PDE2A: variants seen among roughly 807,000 people sequenced by gnomAD.
PDE2A encodes cGMP-dependent 3',5'-cyclic phosphodiesterase.
Under a neutral mutation model 133.6 loss-of-function variants are expected in PDE2A, and 53 were observed. The observed-to-expected ratio is 0.40, with a 90% CI of 0.32 to 0.50. The LOEUF (loss-of-function observed/expected upper bound fraction) is 0.50. Ranked by LOEUF, PDE2A falls within the 20% of genes least tolerant of loss-of-function variation. PDE2A has a pLI of 0.73. For synonymous variants in PDE2A, 491 were observed against 490.2 expected, an observed-to-expected ratio of 1.00 and a Z score of -0.02; for missense variants, 796 against 1,232.4, an observed-to-expected ratio of 0.65 and a Z score of 5.30.
intron 1 of PDE2A, among the ~76,000 whole-genome samples, chr11:72,647,630 G>A (rs938279351): frequency 6.6e-6 from 1 of 152,236 alleles, no homozygotes; most frequent in African/African-American, 2.4e-5. Flanking sequence ...CTCTGTGAAG[G>A]GACAATCCAA....
chr11:72,599,661 T>G (rs111958565), intron 4 of PDE2A, among the ~76,000 whole-genome samples: 1,984 of 152,142 alleles, frequency 0.013, 51 homozygotes, highest in African/African-American at 0.046. Flanking sequence ...TTCAATCCAT[T>G]CTCCATGGCA....
At chr11:72,613,627 A>G (rs895809841) in intron 2 of PDE2A, among the ~76,000 whole-genome samples, 4 of 150,912 alleles carry the variant, frequency 2.7e-5, no homozygotes, top group African/African-American at 7.3e-5. Flanking sequence ...CCCACTCTCC[A>G]TCTCTCTCCT....
intron 7 of PDE2A, 46 bp downstream of exon 7, chr11:72,591,251 G>A (rs759084600): frequency 6.6e-7 from 1 of 1,509,102 alleles, no homozygotes; most frequent in South Asian, 1.1e-5. Context: ...CACCAGCTGT[G>A]ATAAGGGTCT....
chr11:72,623,997 C>CTT (rs71062781), intron 2 of PDE2A, among the ~76,000 whole-genome samples: 1,450 of 141,508 alleles, frequency 0.01, 27 homozygotes, highest in African/African-American at 0.034. Context: ...CAATCTTTTT[C>CTT]TTTTTTTTTT....
At chr11:72,641,474 A>G (rs1372443926) in intron 2 of PDE2A, among the ~76,000 whole-genome samples, 1 of 152,246 alleles carries the variant, frequency 6.6e-6, no homozygotes, top group Middle Eastern at 3.2e-3. Flanking sequence ...GAAACAGGAG[A>G]GAGACCAAGA....
At position 72,631,170 on chromosome 11, in the gene PDE2A, C is replaced by A. The variant is rs545347765; in HGVS notation, c.144+11084G>T. Reference sequence around the variant, plus strand: ...GAGACAAGAAGGTCAGGGGCTGAGGCCGGCCAGGCCTTCTCCCCTTCTCCC... The same window carrying A: ...GAGACAAGAAGGTCAGGGGCTGAGGACGGCCAGGCCTTCTCCCCTTCTCCC... On this transcript the variant is annotated intron_variant, in intron 2 of 30. Coordinates refer to ENST00000334456, the MANE Select transcript of PDE2A (RefSeq NM_002599.5). 1.7e-4 allele frequency: 251 copies of A among 1,511,088 alleles called. No homozygotes were observed. In the African/African-American group the frequency reaches 2.8e-3, roughly 17 times the overall value. The allele number at this position is 1,511,088 out of a possible 1,614,324, so 93.6% of individuals were successfully genotyped here. A position where few individuals can be genotyped will look rare whatever the true frequency, so the allele number is the denominator to read the frequency against.
intron 1 of PDE2A, among the ~76,000 whole-genome samples, chr11:72,657,099 T>G (rs1468185734): frequency 1.3e-5 from 2 of 151,994 alleles, no homozygotes. Context: ...TCCTCCCCAC[T>G]CATCAGGGTC....
chr11:72,645,652 T>C (rs138273211), intron 1 of PDE2A, among the ~76,000 whole-genome samples: 2 of 152,354 alleles, frequency 1.3e-5, no homozygotes, highest in African/African-American at 2.4e-5. Context: ...CCGGTGATTC[T>C]AATTTGCTGC....
intron 25 of PDE2A, chr11:72,580,013 C>G (rs1855647616): frequency 4.8e-6 from 1 of 208,854 alleles, no homozygotes. Context: ...GGCTGTCACT[C>G]AGAAAAGGAG....
At chr11:72,603,288 CT>C (rs33965768) in intron 4 of PDE2A, among the ~76,000 whole-genome samples, 30,476 of 151,100 alleles carry the variant, frequency 0.2, 3,738 homozygotes, top group East Asian at 0.51. Flanking sequence ...CTTTTAATTG[CT>C]TTTTTTTTTG....
intron 1 of PDE2A, among the ~76,000 whole-genome samples, chr11:72,664,363 G>GTTTTTTT (rs1565198393): frequency 2.1e-4 from 19 of 92,328 alleles, no homozygotes; most frequent in African/African-American, 4.7e-4. Flanking sequence ...CCCCTTGAAG[G>GTTTTTTT]ATTTTTTTTT....
At chr11:72,661,026 C>G (rs1360086552) in intron 1 of PDE2A, among the ~76,000 whole-genome samples, 1 of 152,060 alleles carries the variant, frequency 6.6e-6, no homozygotes, top group Non-Finnish European at 1.5e-5. Context: ...CTTCTGAGGT[C>G]AGGTGCAGTG....
chr11:72,582,648 G>T, intron 20 of PDE2A, 82 bp from the exon 21 acceptor site: 1 of 1,395,362 alleles, frequency 7.2e-7, no homozygotes, highest in East Asian at 2.4e-5. Flanking sequence ...TGGCAGGTGG[G>T]GGATCCGTCA....
At chr11:72,651,249 T>G (rs567543586) in intron 1 of PDE2A, among the ~76,000 whole-genome samples, 11 of 152,348 alleles carry the variant, frequency 7.2e-5, no homozygotes, top group African/African-American at 2.6e-4. Flanking sequence ...GATGCCTGAT[T>G]GCAGGACTCT....
At chr11:72,672,645 C>G (rs1334134866) in intron 1 of PDE2A, among the ~76,000 whole-genome samples, 1 of 152,082 alleles carries the variant, frequency 6.6e-6, no homozygotes, top group African/African-American at 2.4e-5. Context: ...AGTGTCTTCA[C>G]TGCTCCAGGA....
chr11:72,646,616 C>T (rs1392599074), intron 1 of PDE2A, among the ~76,000 whole-genome samples: 5 of 152,176 alleles, frequency 3.3e-5, no homozygotes, highest in Non-Finnish European at 5.9e-5. Context: ...CACTGGGCTC[C>T]CCATGGCCTC....
intron 24 of PDE2A, 87 bp downstream of exon 24, chr11:72,580,799 C>T (rs775815505): frequency 3.0e-6 from 3 of 1,010,802 alleles, no homozygotes; most frequent in Admixed American, 3.5e-5. Flanking sequence ...TGGTCTCACT[C>T]GCTCCCACCC....
At chr11:72,602,768 T>G (rs1856814390) in intron 4 of PDE2A, among the ~76,000 whole-genome samples, 1 of 152,032 alleles carries the variant, frequency 6.6e-6, no homozygotes, top group South Asian at 2.1e-4. Flanking sequence ...GGGCCTCAGG[T>G]AGGAAAGCAG....
chr11:72,668,889 T>G, intron 1 of PDE2A: 3 of 1,041,958 alleles, frequency 2.9e-6, no homozygotes, highest in South Asian at 6.2e-5. Flanking sequence ...TCAGGCCTCC[T>G]GGTCCCTCCC....
Sources: gnomAD v4.1 joint callset for allele counts (sites outside exome capture counted in the v4.1 genomes callset) on GRCh38, gnomAD v4.1.1 for gene constraint, MANE v1.5 for transcripts, NCBI Gene and HGNC (gene_info 2026-07-23, HGNC 2026-07-21) for gene names.